ANGPTL5: variants seen among roughly 807,000 people sequenced by gnomAD.
ANGPTL5 encodes the protein angiopoietin-related protein 5.
In ANGPTL5, 34 loss-of-function variants were observed where a neutral mutation model predicts 39.4. That is an observed-to-expected ratio of 0.86 (90% CI 0.66 to 1.15). The LOEUF is 1.15. Ranked by LOEUF, ANGPTL5 falls within the 50% of genes most tolerant of loss-of-function variation. The pLI is 0.00. For missense variants in ANGPTL5, 467 were observed against 457.5 expected (o/e 1.02, Z -0.19); for synonymous variants, 146 against 152.1 (o/e 0.96, Z 0.29).
chr11:101,904,761 AT>A lies in ANGPTL5; in HGVS notation c.439+52del. 1.5e-5 allele frequency: 23 copies of A among 1,497,972 alleles called. No individual in the cohort carries two copies. The South Asian group carries it at 2.3e-4, about 15-fold the overall frequency. The allele number at this position is 1,497,972 out of a possible 1,614,324, so 92.8% of individuals were successfully genotyped here. A position where few individuals can be genotyped will look rare whatever the true frequency, so the allele number is the denominator to read the frequency against. ...TAAATGGATCGACCTGTCCAGGAAA[AT>A]TTTAAGCAATAAAAGACAAACATGA... On this transcript the variant is annotated intron_variant, in intron 5 of 8. Transcript: ENST00000334289.
Position 101,916,175 on chromosome 11 carries a change from T to G in ANGPTL5, c.-249A>C, listed in dbSNP as rs551173423. The G allele has an allele frequency of 2.0e-5, 3 of 152,388 alleles. No individual in the cohort carries two copies. The South Asian group carries it at 6.2e-4, about 32-fold the overall frequency. The allele number at this position is 152,388 out of a possible 1,614,324, so 9.4% of individuals were successfully genotyped here. On this transcript the variant is annotated 5_prime_UTR_variant, in exon 1 of 9. Coordinates refer to ENST00000334289, the MANE Select transcript of ANGPTL5 (RefSeq NM_178127.5). ...AGGACTTGGTTGGCAATGATGGTGT[T>G]GTGTAATCATCTTCAGTCTTGTCAG...
At position 101,904,902 on chromosome 11, in the gene ANGPTL5, G is replaced by A. The variant is rs141521322; in HGVS notation, c.351C>T (p.Asn117=). 143 of 1,611,392 alleles carry A rather than the reference G, an allele frequency of 8.9e-5. No homozygotes were observed. The highest frequency in any genetic ancestry group is 3.9e-4 in the African/African-American group (29 of 74,978). The part of the protein sequence containing the change: ...ASLDYLSNQV[N]ELMNRVLLLT... ...AAAGGAGAACTCTATTCATGAGCTC[G>A]TTAACCTAAACACATGCATACACAT... Residue 117 remains asparagine (N), a synonymous_variant, in exon 5 of 9, where the codon AAC becomes AAT. Coordinates refer to ENST00000334289, the MANE Select transcript of ANGPTL5 (RefSeq NM_178127.5).
chr11:101,905,018 T>G, intron 4 of ANGPTL5, 111 bp from the exon 5 acceptor site: 1 of 782,546 alleles, frequency 1.3e-6, no homozygotes, highest in Non-Finnish European at 2.2e-6. Context: ...TTTTCTAGAT[T>G]GATTTCTTAC....
At position 101,902,702 on chromosome 11, in the gene ANGPTL5, A is replaced by C; in HGVS notation, c.459T>G (p.Ile153Met). Residue 153 changes from isoleucine (I) to methionine (M), a missense_variant, in exon 6 of 9, where the codon ATT becomes ATG. By Grantham distance (10) the Ile-to-Met change is conservative (BLOSUM62 1). Coordinates refer to ENST00000334289, the MANE Select transcript of ANGPTL5 (RefSeq NM_178127.5). ...VQSHGLDCTD[I>M]KDTIGSVTKT... ...TGGTGACAGAGCCAATGGTATCCTT[A>C]ATATCAGTGCAATCTAAACCTAGAA... The C allele has an allele frequency of 6.2e-7, 1 of 1,610,604 alleles. No homozygotes were observed. The highest frequency in any genetic ancestry group is 8.5e-7 in the Non-Finnish European group (1 of 1,177,404).
chr11:101,899,074 A>G (rs140885143), intron 7 of ANGPTL5, among the ~76,000 whole-genome samples: 52 of 152,172 alleles, frequency 3.4e-4, no homozygotes, highest in African/African-American at 1.2e-3. Context: ...TTTCGCATCA[A>G]TGTTCATCAG....
intron 7 of ANGPTL5, among the ~76,000 whole-genome samples, chr11:101,896,518 C>T (rs1025632370): frequency 1.3e-5 from 2 of 152,108 alleles, no homozygotes; most frequent in Admixed American, 6.6e-5. Context: ...GCCCCCACCC[C>T]CTGACAGGCT....
chr11:101,905,904 A>G (rs1591257853), intron 3 of ANGPTL5, 57 bp from the exon 4 acceptor site: 7 of 949,712 alleles, frequency 7.4e-6, no homozygotes, highest in Non-Finnish European at 1.0e-5. Flanking sequence ...AAACAATTAC[A>G]GTGAAAAATA....
intron 6 of ANGPTL5, among the ~76,000 whole-genome samples, chr11:101,901,546 C>G (rs922714040): frequency 1.1e-4 from 17 of 152,042 alleles, no homozygotes; most frequent in African/African-American, 3.9e-4. Context: ...CAAAATTCTC[C>G]CTCAGAAACT....
intron 3 of ANGPTL5, among the ~76,000 whole-genome samples, chr11:101,906,199 T>A (rs565694246): frequency 6.6e-6 from 1 of 152,146 alleles, no homozygotes; most frequent in Admixed American, 6.6e-5. Flanking sequence ...CAATTCTTAC[T>A]GTAAAAGAAA....
At chr11:101,893,855 T>TC (rs756696665) in intron 8 of ANGPTL5, among the ~76,000 whole-genome samples, 8 of 152,206 alleles carry the variant, frequency 5.3e-5, no homozygotes, top group Non-Finnish European at 1.0e-4. Context: ...TTTTCCTCCC[T>TC]CTATGCCTTA....
chr11:101,891,812 T>A (rs1939702444), intron 8 of ANGPTL5, among the ~76,000 whole-genome samples: 2 of 152,172 alleles, frequency 1.3e-5, no homozygotes, highest in South Asian at 4.1e-4. Context: ...TAAATAAATA[T>A]TTGATATAAA....
At chr11:101,908,463 A>G (rs1940034756) in intron 1 of ANGPTL5, among the ~76,000 whole-genome samples, 1 of 152,180 alleles carries the variant, frequency 6.6e-6, no homozygotes, top group Non-Finnish European at 1.5e-5. Context: ...GATAATTCAG[A>G]CTTAAAATAT....
chr11:101,910,410 CAAAAAA>C (rs200542892), intron 1 of ANGPTL5, among the ~76,000 whole-genome samples: 3 of 120,972 alleles, frequency 2.5e-5, no homozygotes, highest in African/African-American at 3.2e-5. Flanking sequence ...AACTCCGTCT[CAAAAAA>C]AAAAAAAAAT....
At chr11:101,909,228 C>A (rs1484006940) in intron 1 of ANGPTL5, among the ~76,000 whole-genome samples, 1 of 152,198 alleles carries the variant, frequency 6.6e-6, no homozygotes, top group East Asian at 1.9e-4. Flanking sequence ...ACTATTTAAA[C>A]CCAAACAATC....
rs74994330 is a variant in ANGPTL5 at position 101,905,070 on chromosome 11, T to G, written c.346-163A>C. ...AAAGGCAAAGCTAAATAGCAATCAT[T>G]AAATTTCGTAGTATCTACCTCCTTA... On this transcript the variant is annotated intron_variant, in intron 4 of 8. Transcript: ENST00000334289. Among the ~76,000 whole-genome samples the G allele has an allele frequency of 2.7e-3, 418 of 152,316 alleles. 3 individuals are homozygous for G. Among genetic ancestry groups the G allele is most frequent in the African/African-American group, 9.4e-3 (390 of 41,562 alleles).
At chr11:101,908,055 G>A (rs1940028937) in intron 1 of ANGPTL5, 54 bp from the exon 2 acceptor site, 2 of 616,782 alleles carry the variant, frequency 3.2e-6, no homozygotes, top group Non-Finnish European at 5.8e-6. Context: ...TCCATGCCCT[G>A]GTTTGAAACA....
rs766108959 is a variant in ANGPTL5, at chr11:101,895,039, C to A, written c.687G>T (p.Lys229Asn). The part of the protein sequence containing the change: ...LLGEFWLGLK[K>N]IFYIVNQKNT... ...TTTTCTGATTTACTATATAAAAAATCTTTTTCAGTCCTAGCCAAAATTCTC... is the reference window on the plus strand; with the variant it reads ...TTTTCTGATTTACTATATAAAAAATATTTTTCAGTCCTAGCCAAAATTCTC... Residue 229 changes from lysine to asparagine, a missense_variant, in exon 8 of 9, where the codon AAG becomes AAT. Lys to Asn is a moderately conservative substitution (Grantham distance 94). Coordinates refer to ENST00000334289, the MANE Select transcript of ANGPTL5 (RefSeq NM_178127.5). 4 of 1,601,794 alleles carry A rather than the reference C, an allele frequency of 2.5e-6. No individual in the cohort carries two copies. The South Asian group carries it at 3.4e-5, about 14-fold the overall frequency.
In ANGPTL5 at chr11:101,893,983, T is replaced by G. The variant is rs185318679; in HGVS notation, c.847+896A>C. Among the ~76,000 whole-genome samples, 3 of 152,338 alleles carry G rather than the reference T, an allele frequency of 2.0e-5. No homozygotes were observed. In the East Asian group the frequency reaches 5.8e-4, roughly 29 times the overall value. On this transcript the variant is annotated intron_variant, in intron 8 of 8. Transcript: ENST00000334289. ...ACATATCCATCTGGCTTAAAATAAC[T>G]GAATCAGATTCTACAGGAATATATA...
chr11:101,901,505 C>T (rs1207020729), intron 6 of ANGPTL5, among the ~76,000 whole-genome samples: 2 of 151,942 alleles, frequency 1.3e-5, no homozygotes, highest in Non-Finnish European at 2.9e-5. Context: ...TGTAGGGCAC[C>T]CATAGAAGCG....
Sources: allele counts gnomAD v4.1 joint callset (sites outside exome capture counted in the v4.1 genomes callset), GRCh38; gene constraint gnomAD v4.1.1; transcripts MANE v1.5; gene names NCBI Gene and HGNC (gene_info 2026-07-23, HGNC 2026-07-21).